RP1: variants seen among roughly 807,000 people sequenced by gnomAD.
RP1 encodes the protein RP1 axonemal microtubule associated, also known as oxygen-regulated protein 1.
RP1 carries 16 observed loss-of-function variants against 14.8 expected under a neutral mutation model. The ratio of observed to expected loss-of-function variants is 1.08; its 90% CI spans 0.73 to 1.65. RP1 has a LOEUF of 1.65. RP1 is among the 40% of genes most tolerant of loss of function. The pLI is 0.00. For synonymous variants in RP1, 876 were observed against 883.6 expected (o/e 0.99, Z 0.15); for missense variants, 2,631 against 2,535.0 (o/e 1.04, Z -0.81).
At position 54,717,898 on chromosome 8, in the gene RP1, T is replaced by C. The variant is rs904723835; in HGVS notation, c.2212-2231T>C. Among the ~76,000 whole-genome samples the C allele has an allele frequency of 5.9e-5, 9 of 152,264 alleles. No homozygotes were observed. The South Asian group carries it at 6.2e-4, about 11-fold the overall frequency. ...GTAAGTGTTTATAGTGAGGTTGCAA[T>C]GTACGAGGCTAATATACAAATTTTC... On this transcript the variant is annotated intron_variant, in intron 15 of 22. Transcript: ENST00000636932.
At chr8:54,646,966 C>T (rs972279870) in intron 3 of RP1, among the ~76,000 whole-genome samples, 2 of 152,140 alleles carry the variant, frequency 1.3e-5, no homozygotes, top group Non-Finnish European at 2.9e-5. Context: ...TTAACATTTT[C>T]TGTCACTGTT....
intron 1 of RP1, among the ~76,000 whole-genome samples, chr8:54,562,332 G>T (rs762036630): frequency 6.6e-6 from 1 of 152,162 alleles, no homozygotes; most frequent in South Asian, 2.1e-4. Context: ...TTCAGAGAAC[G>T]CATGCCTGAG....
intron 14 of RP1, chr8:54,701,716 G>A (rs1273514835): frequency 6.8e-7 from 1 of 1,473,508 alleles, no homozygotes; most frequent in African/African-American, 1.4e-5. Context: ...ACTTTCTTTT[G>A]CCCTATTGAG....
chr8:54,604,240 A>G (rs1171867074), intron 1 of RP1, among the ~76,000 whole-genome samples: 1 of 152,168 alleles, frequency 6.6e-6, no homozygotes, highest in Non-Finnish European at 1.5e-5. Context: ...GAGAGTTTTT[A>G]GCATGAAGAG....
chr8:54,746,512 C>T (rs7000259), intron 19 of RP1, among the ~76,000 whole-genome samples: 119,150 of 152,098 alleles, frequency 0.78, 47,322 homozygotes, highest in African/African-American at 0.92. Flanking sequence ...TGATTTCAGG[C>T]AATGGGTAGC....
intron 25 of RP1, among the ~76,000 whole-genome samples, chr8:54,846,415 T>C (rs1190326690): frequency 6.6e-6 from 1 of 152,222 alleles, no homozygotes; most frequent in African/African-American, 2.4e-5. Flanking sequence ...CTACAGCCCT[T>C]CCTAAGGAAA....
Position 54,627,755 on chromosome 8 carries a change from T to A in RP1, c.3873T>A (p.Thr1291=). Residue 1291 remains threonine, a synonymous_variant, in exon 4 of 4, where the codon ACT becomes ACA. Coordinates refer to ENST00000220676, the MANE Select transcript of RP1 (RefSeq NM_006269.2). Reference sequence around the variant, plus strand: ...GTGATGGTTATGGTGTGGATCAGACTTCTATGAATAAGGCTTGTTTCCTAG... The same window carrying A: ...GTGATGGTTATGGTGTGGATCAGACATCTATGAATAAGGCTTGTTTCCTAG... ...FPSDGYGVDQ[T]SMNKACFLGE... is the part of the protein sequence containing the mutation. The A allele has an allele frequency of 1.9e-6, 3 of 1,614,160 alleles. No individual in the cohort carries two copies. The highest frequency in any genetic ancestry group is 2.5e-6 in the Non-Finnish European group (3 of 1,179,982).
chr8:54,759,098 C>T (rs775210175), intron 22 of RP1: 3 of 1,527,498 alleles, frequency 2.0e-6, no homozygotes, highest in Admixed American at 2.0e-5. Flanking sequence ...CTCCAAGATA[C>T]TTCAAAAGAG....
chr8:54,811,232 A>G (rs1477979389), intron 24 of RP1, among the ~76,000 whole-genome samples: 1 of 152,124 alleles, frequency 6.6e-6, no homozygotes, highest in Non-Finnish European at 1.5e-5. Flanking sequence ...ACTGCTGCCA[A>G]CTCAAGCCAG....
In RP1 at chr8:54,723,634, C is replaced by T. The variant is rs143344263; in HGVS notation, c.2390-2711C>T. ...TTATACTGAGCCCATGGAGAAGATT[C>T]TCCATTGATTATCCGGATATGTGGG... On this transcript the variant is annotated intron_variant, in intron 16 of 22. Transcript: ENST00000636932. 4.5e-3 allele frequency among the ~76,000 whole-genome samples: 682 copies of T among 152,244 alleles called. 5 individuals are homozygous for T. Among genetic ancestry groups the T allele is most frequent in the African/African-American group, 0.015 (643 of 41,546 alleles).
At chr8:54,580,224 C>G (rs1162996332) in intron 1 of RP1, among the ~76,000 whole-genome samples, 1 of 150,180 alleles carries the variant, frequency 6.7e-6, no homozygotes, top group Non-Finnish European at 1.5e-5. Context: ...GTAATAGCCA[C>G]TTAATAACTG....
intron 3 of RP1, among the ~76,000 whole-genome samples, chr8:54,637,867 C>A (rs949756629): frequency 6.6e-6 from 1 of 152,186 alleles, no homozygotes; most frequent in Admixed American, 6.5e-5. Flanking sequence ...CCAGGGCTGA[C>A]TCTGTCAGCA....
chr8:54,726,330 A>C (rs1236535834), intron 16 of RP1: 1 of 1,516,146 alleles, frequency 6.6e-7, no homozygotes, highest in Non-Finnish European at 8.8e-7. Context: ...GCATCTTTTA[A>C]AATCTTAATT....
Position 54,622,259 on chromosome 8 carries a change from A to C in RP1, c.758A>C (p.Lys253Thr), listed in dbSNP as rs773889365. The change falls in exon 3 of 4, where the codon AAG becomes ACG. Residue 253 changes from lysine (K) to threonine (T), a missense_variant. Physicochemically the swap from Lys to Thr is moderately conservative, Grantham distance 78 (BLOSUM62 -1). Transcript: ENST00000220676. ...LPGISQRVYP[K>T]GNAKSESRKI... The stretch of plus-strand genomic sequence containing the variant: ...GGGATCTCTCAGCGTGTGTACCCCA[A>C]GGGAAATGCAAAGTCAGAAAGCAGA... 12 of 1,614,008 alleles carry C rather than the reference A, an allele frequency of 7.4e-6. No individual in the cohort carries two copies. In the South Asian group the frequency reaches 1.3e-4, roughly 18 times the overall value.
chr8:54,586,950 G>C (rs1314671321), intron 1 of RP1, among the ~76,000 whole-genome samples: 1 of 152,212 alleles, frequency 6.6e-6, no homozygotes, highest in Non-Finnish European at 1.5e-5. Context: ...TCCTGGGTGA[G>C]GCAATGCCTT....
chr8:54,565,735 G>A (rs1804390752), intron 1 of RP1, among the ~76,000 whole-genome samples: 1 of 152,110 alleles, frequency 6.6e-6, no homozygotes, highest in Admixed American at 6.5e-5. Flanking sequence ...GGTTCTGACT[G>A]GCCTGGTCTC....
In RP1 at chr8:54,869,763, T is replaced by G. The variant is rs146306054; in HGVS notation, c.4152-80T>G. On this transcript the variant is annotated intron_variant, in intron 28 of 28. Coordinates refer to the RP1 transcript ENST00000637698. ...AAGGCCTCTTTAAATTCTTTCCATA[T>G]GTTTTTTTTTCCTTTCTAACTAATG... 1,184 of 496,212 alleles carry G rather than the reference T, an allele frequency of 2.4e-3. 13 individuals are homozygous for G. The highest frequency in any genetic ancestry group is 0.021 in the African/African-American group (1,075 of 50,606). The allele number at this position is 496,212 out of a possible 1,614,324, so 30.7% of individuals were successfully genotyped here.
At chr8:54,652,822 G>A in exon 5 of RP1, 1 of 1,535,706 alleles carries the variant, frequency 6.5e-7, no homozygotes. Flanking sequence ...GATTCGTATT[G>A]GTCATACCAA....
At chr8:54,574,576 C>G (rs2129294239) in intron 1 of RP1, among the ~76,000 whole-genome samples, 1 of 152,138 alleles carries the variant, frequency 6.6e-6, no homozygotes, top group Non-Finnish European at 1.5e-5. Flanking sequence ...AAGACTGGGG[C>G]CTGGGAGCAT....
Sources: gnomAD v4.1 joint callset for allele counts (sites outside exome capture counted in the v4.1 genomes callset) on GRCh38, gnomAD v4.1.1 for gene constraint, MANE v1.5 for transcripts, NCBI Gene and HGNC (gene_info 2026-07-23, HGNC 2026-07-21) for gene names.